CBLIF: variants seen among roughly 807,000 people sequenced by gnomAD.
The protein encoded by CBLIF is cobalamin binding intrinsic factor.
Under a neutral mutation model 44.9 loss-of-function variants are expected in CBLIF, and 24 were observed. The observed-to-expected ratio is 0.53, with a 90% CI of 0.39 to 0.75. The LOEUF is 0.75. Among genes scored for constraint, CBLIF ranks in the 30% least tolerant of loss-of-function variants. The pLI is 0.00. For synonymous variants in CBLIF, 183 were observed against 190.9 expected, an observed-to-expected ratio of 0.96 and a Z score of 0.34; for missense variants, 481 against 513.0, an observed-to-expected ratio of 0.94 and a Z score of 0.60.
At chr11:59,834,128 A>G (rs1375110662) in intron 7 of CBLIF, among the ~76,000 whole-genome samples, 2 of 152,200 alleles carry the variant, frequency 1.3e-5, no homozygotes, top group African/African-American at 2.4e-5. Context: ...GACTTAGGTC[A>G]TCACCTCTAA....
Position 59,837,159 on chromosome 11 carries a change from A to G in CBLIF, c.871+15T>C. On this transcript the variant is annotated intron_variant, in intron 6 of 8. Transcript: ENST00000257248. ...AGTTGCTGCTTTATGACATAAGGAG[A>G]GGTGGATGTCTTACCAGGACTACAA... The G allele has an allele frequency of 1.3e-6, 2 of 1,597,644 alleles. No homozygotes were observed. Among genetic ancestry groups the G allele is most frequent in the Non-Finnish European group, 1.7e-6 (2 of 1,165,072 alleles).
rs116226072 is a variant in CBLIF at position 59,842,615 on chromosome 11, T to A, written c.371-32A>T. 524 of 1,608,822 alleles carry A rather than the reference T, an allele frequency of 3.3e-4. 4 individuals carry two copies. In the African/African-American group the frequency reaches 5.9e-3, roughly 18 times the overall value. ...AGGGGATAGAGAACCTTCATCAGAC[T>A]CACAGTCACCACGATGAGGACATTT... On this transcript the variant is annotated intron_variant, in intron 3 of 8. Transcript: ENST00000257248.
rs561320252 is a variant in CBLIF, at chr11:59,839,436, AC to A, written c.693+1706del. Among the ~76,000 whole-genome samples, 16 of 152,300 alleles carry A rather than the reference AC, an allele frequency of 1.1e-4. No homozygotes were observed. In the South Asian group the frequency reaches 3.3e-3, roughly 32 times the overall value. On this transcript the variant is annotated intron_variant, in intron 5 of 8. Coordinates refer to ENST00000257248, the MANE Select transcript of CBLIF (RefSeq NM_005142.3). ...TTTTTTGCATACCACATTTTATTTA[AC>A]CTAATTGCAACCTTATTATTATGGG...
intron 7 of CBLIF, among the ~76,000 whole-genome samples, chr11:59,832,616 C>T (rs780864564): frequency 2.0e-5 from 3 of 151,974 alleles, no homozygotes; most frequent in Admixed American, 2.0e-4. Flanking sequence ...AGTGAAACCC[C>T]GTCTCTAACA....
chr11:59,834,296 CTTTCTTT>C (rs1866420117), intron 7 of CBLIF, among the ~76,000 whole-genome samples: 269 of 132,600 alleles, frequency 2.0e-3, no homozygotes, highest in Admixed American at 3.2e-3. Flanking sequence ...TTCTTTCTTT[CTTTCTTT>C]CTTTCTTTCT....
intron 5 of CBLIF, among the ~76,000 whole-genome samples, chr11:59,839,239 G>C (rs1866493142): frequency 6.6e-6 from 1 of 152,236 alleles, no homozygotes; most frequent in South Asian, 2.1e-4. Context: ...TTCTGGAACA[G>C]AGGAAATGCC....
intron 4 of CBLIF, among the ~76,000 whole-genome samples, chr11:59,841,818 C>T (rs966466254): frequency 6.6e-6 from 1 of 152,048 alleles, no homozygotes; most frequent in Non-Finnish European, 1.5e-5. Flanking sequence ...AAAAGGTGAT[C>T]ATGAATGCGG....
rs1213702908 is a variant in CBLIF, at chr11:59,843,027, C to A, written c.370+1G>T. The A allele has an allele frequency of 1.9e-6, 3 of 1,554,290 alleles. No individual in the cohort carries two copies. The highest frequency in any genetic ancestry group is 2.7e-6 in the Non-Finnish European group (3 of 1,126,046). ...TTTTCTCCCTTCCAGTCAGGTCTTA[C>A]TGGAAGGTGCCCAGTTCTCCATTTG... On this transcript the variant is annotated splice_donor_variant, in intron 3 of 8. Coordinates refer to ENST00000257248, the MANE Select transcript of CBLIF (RefSeq NM_005142.3). LOFTEE classifies it high-confidence loss of function.
rs376339959 is a variant in CBLIF, at chr11:59,843,896, A to G, written c.239T>C (p.Met80Thr). 4.3e-6 allele frequency: 7 copies of G among 1,613,354 alleles called. No individual in the cohort carries two copies. Among genetic ancestry groups the G allele is most frequent in the Non-Finnish European group, 4.2e-6 (5 of 1,179,558 alleles). ...TGTCTCACCGTTGTTGTCGCTGGAC[A>G]TGAGCTGGTAAGTCAGGAGCTTCTG... ...KAQKLLTYQL[M>T]SSDNNDLTIG... is the part of the protein sequence containing the mutation. Residue 80 changes from methionine (M) to threonine (T), a missense_variant, in exon 2 of 9, where the codon ATG (methionine) becomes ACG (threonine). By Grantham distance (81) the Met-to-Thr change is moderately conservative. Transcript: ENST00000257248.
chr11:59,842,602 A>G lies in CBLIF; in HGVS notation c.371-19T>C, dbSNP rs139359211. The G allele has an allele frequency of 2.6e-3, 4,210 of 1,612,140 alleles. 10 individuals are homozygous for G. Among genetic ancestry groups the G allele is most frequent in the Non-Finnish European group, 3.1e-3 (3,691 of 1,178,268 alleles). On this transcript the variant is annotated intron_variant, in intron 3 of 8. Transcript: ENST00000257248. ...TTGGGGCCTCCGAAGGGGATAGAGAACCTTCATCAGACTCACAGTCACCAC... is the reference window on the plus strand; with the variant it reads ...TTGGGGCCTCCGAAGGGGATAGAGAGCCTTCATCAGACTCACAGTCACCAC...
Position 59,837,301 on chromosome 11 carries a change from C to T in CBLIF, c.744G>A (p.Lys248=). 6.2e-7 allele frequency: 1 copy of T among 1,613,418 alleles called. No individual in the cohort carries two copies. Among genetic ancestry groups the T allele is most frequent in the South Asian group, 1.1e-5 (1 of 91,072 alleles). Residue 248 remains lysine, a synonymous_variant, in exon 6 of 9, where the codon AAG becomes AAA. Coordinates refer to ENST00000257248, the MANE Select transcript of CBLIF (RefSeq NM_005142.3). ...EPSKKEWNCK[K]TTDMILNEIK... ...TCTCATTGAGTATCATATCCGTAGTCTTCTTGCAGTTCCATTCCTTTTTAG... is the reference window on the plus strand; with the variant it reads ...TCTCATTGAGTATCATATCCGTAGTTTTCTTGCAGTTCCATTCCTTTTTAG...
chr11:59,842,436 T>C lies in CBLIF; in HGVS notation c.511+7A>G. Reference sequence around the variant, plus strand: ...TTCCCAGCTCGGGGTAGTGGTGACCTACTCACCTACATTGAAGGGAGAGGA... The same window carrying C: ...TTCCCAGCTCGGGGTAGTGGTGACCCACTCACCTACATTGAAGGGAGAGGA... On this transcript the variant is annotated splice_region_variant and intron_variant, in intron 4 of 8. Coordinates refer to ENST00000257248, the MANE Select transcript of CBLIF (RefSeq NM_005142.3). The C allele has an allele frequency of 1.2e-6, 2 of 1,613,444 alleles. No homozygotes were observed. The highest frequency in any genetic ancestry group is 1.1e-5 in the South Asian group (1 of 91,060).
chr11:59,837,739 G>C (rs1321245338), intron 5 of CBLIF, among the ~76,000 whole-genome samples: 1 of 152,140 alleles, frequency 6.6e-6, no homozygotes, highest in African/African-American at 2.4e-5. Context: ...CCTCTTTGAT[G>C]GACTTTTCCC....
At chr11:59,842,624 C>A in intron 3 of CBLIF, 41 bp from the exon 4 acceptor site, 1 of 1,598,540 alleles carries the variant, frequency 6.3e-7, no homozygotes, top group Non-Finnish European at 8.6e-7. Flanking sequence ...CTCACAGTCA[C>A]CACGATGAGG....
chr11:59,834,238 CTT>C (rs1397625599), intron 7 of CBLIF, among the ~76,000 whole-genome samples: 1,971 of 136,872 alleles, frequency 0.014, 41 homozygotes, highest in Non-Finnish European at 0.018. Context: ...TTCTTTCTTT[CTT>C]TTTCTTTCTT....
chr11:59,837,181 A>T lies in CBLIF; in HGVS notation c.864T>A (p.Cys288Ter). 6.2e-7 allele frequency: 1 copy of T among 1,612,818 alleles called. No homozygotes were observed. Among genetic ancestry groups the T allele is most frequent in the Non-Finnish European group, 8.5e-7 (1 of 1,178,758 alleles). Residue 288 changes from cysteine (C) to a stop codon, truncating the protein, a stop_gained, in exon 6 of 9, where the codon TGT becomes TGA. Transcript: ENST00000257248. LOFTEE classifies it high-confidence loss of function. ...GAGAGGTGGATGTCTTACCAGGACTACAAGTGACCTGGGGCACATCTAGGT... is the reference window on the plus strand; with the variant it reads ...GAGAGGTGGATGTCTTACCAGGACTTCAAGTGACCTGGGGCACATCTAGGT... ...KTYLDVPQVT[C>*]SPDHEVQPTL...
chr11:59,838,211 G>A (rs922172312), intron 5 of CBLIF, among the ~76,000 whole-genome samples: 2 of 152,164 alleles, frequency 1.3e-5, no homozygotes, highest in Non-Finnish European at 2.9e-5. Context: ...CTTGCAAAAT[G>A]AGTCTTGAGT....
chr11:59,843,776 A>G lies in CBLIF; in HGVS notation c.256+103T>C, dbSNP rs1205060944. On this transcript the variant is annotated intron_variant, in intron 2 of 8. Coordinates refer to ENST00000257248, the MANE Select transcript of CBLIF (RefSeq NM_005142.3). ...AAAGGTGTTTGGGTAGTTTATTTAC[A>G]GTCAGAGGCAGCATTGGGGTGGGAA... 3 of 855,450 alleles carry G rather than the reference A, an allele frequency of 3.5e-6. No homozygotes were observed. In the East Asian group the frequency reaches 7.4e-5, roughly 21 times the overall value. The allele number at this position is 855,450 out of a possible 1,614,324, so 53.0% of individuals were successfully genotyped here.
intron 7 of CBLIF, among the ~76,000 whole-genome samples, chr11:59,834,437 G>T (rs1328685309): frequency 2.1e-5 from 3 of 140,498 alleles, no homozygotes; most frequent in Non-Finnish European, 4.6e-5. Context: ...TGTCTCCCAG[G>T]CTGGAGAGCA....
Sources: gnomAD v4.1 joint callset for allele counts (sites outside exome capture counted in the v4.1 genomes callset) on GRCh38, gnomAD v4.1.1 for gene constraint, MANE v1.5 for transcripts, NCBI Gene and HGNC (gene_info 2026-07-23, HGNC 2026-07-21) for gene names.